PALLD: variants seen among roughly 807,000 people sequenced by gnomAD.
The protein encoded by PALLD is palladin, cytoskeletal associated protein, also known as palladin.
In PALLD, 61 loss-of-function variants were observed where a neutral mutation model predicts 123.5. The observed-to-expected ratio is 0.49, with a 90% confidence interval of 0.40 to 0.61. PALLD has a LOEUF of 0.61. PALLD is among the 20% of genes least tolerant of loss of function. PALLD has a pLI of 0.00. For synonymous variants in PALLD, 465 were observed against 496.4 expected, an observed-to-expected ratio of 0.94 and a Z score of 0.84; for missense variants, 1,273 against 1,377.0, an observed-to-expected ratio of 0.92 and a Z score of 1.20.
At chr4:168,690,281 A>G (rs1389409513) in intron 6 of PALLD, among the ~76,000 whole-genome samples, 1 of 152,244 alleles carries the variant, frequency 6.6e-6, no homozygotes, top group Non-Finnish European at 1.5e-5. Flanking sequence ...ATGTAGATAA[A>G]GAAAGTTAAC....
rs981643726 is a variant in PALLD, at chr4:168,619,614, T to C, written c.909-48576T>C. On this transcript the variant is annotated intron_variant, in intron 2 of 21. Coordinates refer to ENST00000505667, the MANE Select transcript of PALLD (RefSeq NM_001166108.2). The stretch of plus-strand genomic sequence containing the variant: ...TTTGGAGATCAACTGTTTCTTATAC[T>C]GTGGTGGGAAATCTTTCAGTAGAAC... Among the ~76,000 whole-genome samples the C allele has an allele frequency of 3.3e-5, 5 of 152,324 alleles. No homozygotes were observed. In the East Asian group the frequency reaches 9.7e-4, roughly 29 times the overall value.
intron 2 of PALLD, among the ~76,000 whole-genome samples, chr4:168,569,005 GA>G (rs1313315327): frequency 6.6e-6 from 1 of 151,984 alleles, no homozygotes; most frequent in African/African-American, 2.4e-5. Flanking sequence ...AGAAAGAAAG[GA>G]AAGAAATTAT....
At chr4:168,658,511 T>C (rs1314052392) in intron 2 of PALLD, among the ~76,000 whole-genome samples, 2 of 152,180 alleles carry the variant, frequency 1.3e-5, no homozygotes, top group Admixed American at 1.3e-4. Flanking sequence ...GGTCTCTAAC[T>C]CCTGGGCTGA....
In PALLD at chr4:168,590,250, G is replaced by C. The variant is rs138358788; in HGVS notation, c.908+77838G>C. ...CCAGCTACTCAGGAGGCTGAGGCAG[G>C]AGAATCACTTGAACCCAGGAAATGG... On this transcript the variant is annotated intron_variant, in intron 2 of 21. Transcript: ENST00000505667. Among the ~76,000 whole-genome samples, 6 of 152,338 alleles carry C rather than the reference G, an allele frequency of 3.9e-5. No homozygotes were observed. The East Asian group carries it at 1.2e-3, about 29-fold the overall frequency.
At chr4:168,760,873 G>GT (rs1732732096) in intron 10 of PALLD, among the ~76,000 whole-genome samples, 1 of 152,154 alleles carries the variant, frequency 6.6e-6, no homozygotes, top group Non-Finnish European at 1.5e-5. Flanking sequence ...TGGAACAATG[G>GT]TTTTTTTGTT....
At chr4:168,889,720 T>C (rs1004857287) in intron 10 of PALLD, among the ~76,000 whole-genome samples, 2 of 152,186 alleles carry the variant, frequency 1.3e-5, no homozygotes, top group Non-Finnish European at 2.9e-5. Flanking sequence ...TCAGTTTCTT[T>C]CTAAAACTTT....
In PALLD at chr4:168,810,834, AAAG is replaced by A. The variant is rs796366619; in HGVS notation, c.1965-80073_1965-80071del. ...CGTCTCAAAAAAAAAAAAGAAAAAAAAAGAAGAAGAAGAAGAAAATTCAGGATA... is the reference window on the plus strand; with the variant it reads ...CGTCTCAAAAAAAAAAAAGAAAAAAAAAGAAGAAGAAGAAAATTCAGGATA... On this transcript the variant is annotated intron_variant, in intron 10 of 21. Transcript: ENST00000505667. Among the ~76,000 whole-genome samples the A allele has an allele frequency of 2.4e-3, 350 of 145,744 alleles. 9 individuals carry two copies. The highest frequency in any genetic ancestry group is 4.5e-4 in the Non-Finnish European group (30 of 66,394).
chr4:168,784,451 G>A (rs906345181), intron 10 of PALLD, among the ~76,000 whole-genome samples: 2 of 152,212 alleles, frequency 1.3e-5, no homozygotes, highest in Non-Finnish European at 2.9e-5. Flanking sequence ...TGTGGGAAAA[G>A]CTGAGGAATG....
intron 8 of PALLD, among the ~76,000 whole-genome samples, chr4:168,696,917 A>G (rs1783180842): frequency 6.6e-6 from 1 of 152,174 alleles, no homozygotes; most frequent in South Asian, 2.1e-4. Context: ...TAATTTTTTT[A>G]AAGTTCCCCA....
chr4:168,817,931 C>G (rs970021541), intron 10 of PALLD, among the ~76,000 whole-genome samples: 2 of 152,154 alleles, frequency 1.3e-5, no homozygotes, highest in African/African-American at 4.8e-5. Flanking sequence ...ACAGCCCACA[C>G]TTGAATCAGA....
chr4:168,770,513 C>A (rs78754114), intron 10 of PALLD, among the ~76,000 whole-genome samples: 2,634 of 152,290 alleles, frequency 0.017, 88 homozygotes, highest in East Asian at 0.16. Context: ...AATGAGAGAA[C>A]CTAAGCTTGG....
intron 5 of PALLD, 81 bp from the exon 6 acceptor site, chr4:168,685,404 C>T (rs1422334573): frequency 2.3e-6 from 2 of 875,038 alleles, no homozygotes; most frequent in Non-Finnish European, 3.9e-6. Flanking sequence ...TGGGTGATCC[C>T]CATAATGAAA....
At chr4:168,788,536 TG>T (rs1396770768) in intron 10 of PALLD, among the ~76,000 whole-genome samples, 4 of 152,182 alleles carry the variant, frequency 2.6e-5, no homozygotes, top group Admixed American at 2.6e-4. Flanking sequence ...TGTGTGGTAC[TG>T]TGATGGGGGA....
At chr4:168,569,702 G>C (rs4547766) in intron 2 of PALLD, among the ~76,000 whole-genome samples, 3,396 of 152,194 alleles carry the variant, frequency 0.022, 127 homozygotes, top group African/African-American at 0.076. Context: ...ATTCTTGTCT[G>C]AGATGCAGGC....
intron 2 of PALLD, among the ~76,000 whole-genome samples, chr4:168,535,732 T>C (rs1442413241): frequency 6.6e-6 from 1 of 152,160 alleles, no homozygotes; most frequent in Middle Eastern, 3.2e-3. Flanking sequence ...ACCCATTGCA[T>C]CCCTCTTAAG....
At chr4:168,662,518 T>A (rs1353483524) in intron 2 of PALLD, among the ~76,000 whole-genome samples, 2 of 152,276 alleles carry the variant, frequency 1.3e-5, no homozygotes, top group Non-Finnish European at 2.9e-5. Context: ...GAGTGAGTGA[T>A]GTCTGCCACA....
At chr4:168,586,152 C>CAAAA (rs1449487147) in intron 2 of PALLD, among the ~76,000 whole-genome samples, 1 of 74,548 alleles carries the variant, frequency 1.3e-5, no homozygotes, top group African/African-American at 6.8e-5. Context: ...CTCAAGAGAC[C>CAAAA]TAAAAAAAAA....
At chr4:168,641,897 G>A (rs72982795) in intron 2 of PALLD, among the ~76,000 whole-genome samples, 2,148 of 152,296 alleles carry the variant, frequency 0.014, 51 homozygotes, top group African/African-American at 0.048. Flanking sequence ...ACAATCTATT[G>A]TTCCTGAAAA....
chr4:168,610,766 C>A (rs1208373759), intron 2 of PALLD, among the ~76,000 whole-genome samples: 1 of 152,140 alleles, frequency 6.6e-6, no homozygotes. Context: ...CTGGCTTCAA[C>A]ATCCTCCCTC....
Sources: gnomAD v4.1 joint callset for allele counts (sites outside exome capture counted in the v4.1 genomes callset) on GRCh38, gnomAD v4.1.1 for gene constraint, MANE v1.5 for transcripts, NCBI Gene and HGNC (gene_info 2026-07-23, HGNC 2026-07-21) for gene names.